NEK9: variants seen among roughly 807,000 people sequenced by gnomAD.
NEK9 encodes the protein serine/threonine-protein kinase Nek9.
A neutral mutation model predicts 123.4 loss-of-function variants in NEK9; 75 were observed. That is an observed-to-expected ratio of 0.61 (90% CI 0.50 to 0.74). The LOEUF is 0.74. Among genes scored for constraint, NEK9 ranks in the 30% least tolerant of loss-of-function variants. The probability of loss-of-function intolerance (pLI) is 0.00; values close to 1 mark genes in which losing one functional copy is unlikely to be tolerated. For missense variants in NEK9, 952 were observed against 1,214.4 expected (o/e 0.78, Z 3.21); for synonymous variants, 438 against 458.7 (o/e 0.95, Z 0.58).
chr14:75,100,164 A>G (rs1452016258), intron 16 of NEK9, among the ~76,000 whole-genome samples: 12 of 133,904 alleles, frequency 9.0e-5, no homozygotes, highest in African/African-American at 2.8e-4. Context: ...AAAAAAAAAA[A>G]GGCCAGGCAC....
Position 75,118,955 on chromosome 14 carries a change from C to T in NEK9, c.525-20G>A. The T allele has an allele frequency of 8.0e-7, 1 of 1,248,208 alleles. No individual in the cohort carries two copies. The highest frequency in any genetic ancestry group is 1.2e-6 in the Non-Finnish European group (1 of 852,670). 77.3% of individuals were successfully genotyped at this position (1,248,208 alleles called of 1,614,324 possible). On this transcript the variant is annotated intron_variant, in intron 4 of 21. Transcript: ENST00000238616. ...ATATCTCTGAAAAAAAAAGATGCTG[C>T]AAATTAAGTTCACACAGATAATTGT...
chr14:75,112,838 CA>C (rs1326583626), intron 8 of NEK9, among the ~76,000 whole-genome samples: 2 of 151,978 alleles, frequency 1.3e-5, no homozygotes, highest in South Asian at 4.2e-4. Flanking sequence ...AAACAAAAAA[CA>C]AAAAAACCAA....
chr14:75,095,423 A>G lies in NEK9; in HGVS notation c.2182T>C (p.Leu728=), dbSNP rs377300933. 675 of 1,612,710 alleles carry G rather than the reference A, an allele frequency of 4.2e-4. 13 individuals are homozygous for G. The South Asian group carries it at 7.0e-3, about 17-fold the overall frequency. Residue 728 remains leucine, a synonymous_variant, in exon 18 of 22, where the codon TTG becomes CTG. Transcript: ENST00000238616. ...TTGGAACGGATGGTCTTAGAATTCA[A>G]TACTTTCTCTGAGAAAAAATATTTG... ...WHTILIVEKV[L]NSKTIRSNSS...
Position 75,084,580 on chromosome 14 carries a change from C to T in NEK9, c.2924G>A (p.Cys975Tyr), listed in dbSNP as rs1237650977. The T allele has an allele frequency of 1.2e-6, 2 of 1,614,146 alleles. No homozygotes were observed. Among genetic ancestry groups the T allele is most frequent in the African/African-American group, 1.3e-5 (1 of 75,030 alleles). Residue 975 changes from cysteine to tyrosine, a missense_variant, in exon 22 of 22, where the codon TGT becomes TAT. This residue lies in a region of NEK9 where 698 missense variants were observed against 875.6 expected (regional missense o/e 0.80). Coordinates refer to ENST00000238616, the MANE Select transcript of NEK9 (RefSeq NM_033116.6). Reference sequence around the variant, plus strand: ...CTCAGGAGACTAGAGGCTGGGTCTACAGGAGTCTGTTCCCAGGAGGCACCA... The same window carrying T: ...CTCAGGAGACTAGAGGCTGGGTCTATAGGAGTCTGTTCCCAGGAGGCACCA... ...DSWCLLGTDSCRPSL is the reference protein window; with the variant it reads ...DSWCLLGTDSYRPSL
intron 9 of NEK9, 43 bp from the exon 10 acceptor site, chr14:75,109,920 A>G: frequency 6.5e-7 from 1 of 1,542,686 alleles, no homozygotes. Flanking sequence ...AACATTAAAA[A>G]CAATATCAAA....
intron 1 of NEK9, among the ~76,000 whole-genome samples, chr14:75,124,683 C>G (rs1208868187): frequency 6.6e-6 from 1 of 151,954 alleles, no homozygotes; most frequent in African/African-American, 2.4e-5. Flanking sequence ...TTTCACCTAC[C>G]CTTTCTGGAT....
At chr14:75,115,114 T>TGTGTGCATAC (rs1895096431) in intron 6 of NEK9, among the ~76,000 whole-genome samples, 3 of 147,296 alleles carry the variant, frequency 2.0e-5, no homozygotes, top group South Asian at 2.1e-4. Flanking sequence ...CGTGTGTGCG[T>TGTGTGCATAC]ACACACACAC....
chr14:75,118,436 G>C (rs1206888466), intron 5 of NEK9, among the ~76,000 whole-genome samples: 1 of 152,184 alleles, frequency 6.6e-6, no homozygotes, highest in African/African-American at 2.4e-5. Context: ...TGTTCTCTGA[G>C]CATCAGCCTT....
At chr14:75,125,303 T>C (rs1334850086) in intron 1 of NEK9, among the ~76,000 whole-genome samples, 1 of 152,196 alleles carries the variant, frequency 6.6e-6, no homozygotes, top group Non-Finnish European at 1.5e-5. Flanking sequence ...TTACTAACAA[T>C]GGTCAACTTA....
At chr14:75,112,537 G>T (rs1894990387) in intron 8 of NEK9, among the ~76,000 whole-genome samples, 1 of 152,128 alleles carries the variant, frequency 6.6e-6, no homozygotes, top group South Asian at 2.1e-4. Context: ...AAAAACAAAG[G>T]CTCAGGCTGG....
At chr14:75,097,008 A>T in intron 17 of NEK9, 92 bp downstream of exon 17, 2 of 1,288,182 alleles carry the variant, frequency 1.6e-6, no homozygotes, top group Non-Finnish European at 2.1e-6. Flanking sequence ...TCTTCAGGAC[A>T]TTTCTGTTTC....
intron 8 of NEK9, among the ~76,000 whole-genome samples, chr14:75,111,487 T>C (rs79327339): frequency 0.015 from 2,311 of 152,362 alleles, 22 homozygotes; most frequent in Middle Eastern, 0.068. Context: ...TGTCTTATGT[T>C]TTCCATCAAA....
In NEK9 at chr14:75,084,436, C is replaced by CA; in HGVS notation, c.*127dup. 9.2e-7 allele frequency: 1 copy of CA among 1,082,798 alleles called. No homozygotes were observed. Among genetic ancestry groups the CA allele is most frequent in the African/African-American group, 1.6e-5 (1 of 63,540 alleles). The allele number at this position is 1,082,798 out of a possible 1,614,324, so 67.1% of individuals were successfully genotyped here. ...CTCCAAATGTACAAGGAAAGTGCTTCAGAGCCTCTGCCTTGCGCTCCTTTT... is the reference window on the plus strand; with the variant it reads ...CTCCAAATGTACAAGGAAAGTGCTTCAAGAGCCTCTGCCTTGCGCTCCTTTT... On this transcript the variant is annotated 3_prime_UTR_variant, in exon 22 of 22. Transcript: ENST00000238616.
intron 6 of NEK9, among the ~76,000 whole-genome samples, chr14:75,115,126 C>CA (rs1393291388): frequency 2.0e-5 from 3 of 150,722 alleles, no homozygotes; most frequent in East Asian, 2.0e-4. Flanking sequence ...CACACACACA[C>CA]ATTTCTTAAG....
Position 75,117,281 on chromosome 14 carries a change from C to T in NEK9, c.676G>A (p.Val226Ile). Residue 226 changes from valine to isoleucine, a missense_variant, in exon 6 of 22, where the codon GTA becomes ATA. Physicochemically the swap from Val to Ile is conservative, Grantham distance 29. This residue lies in a region of NEK9 where 28 missense variants were observed against 88.3 expected (regional missense o/e 0.32). Coordinates refer to ENST00000238616, the MANE Select transcript of NEK9 (RefSeq NM_033116.6). Reference sequence around the variant, plus strand: ...ATATCAGACTTGAAATTGTACTTTACTCCTTGACAGAGCTCTGGAGACATG... The same window carrying T: ...ATATCAGACTTGAAATTGTACTTTATTCCTTGACAGAGCTCTGGAGACATG... Reference protein sequence around the residue: ...YYMSPELCQGVKYNFKSDIWA... With the variant: ...YYMSPELCQGIKYNFKSDIWA... 6.2e-7 allele frequency: 1 copy of T among 1,614,032 alleles called. No homozygotes were observed. Among genetic ancestry groups the T allele is most frequent in the Non-Finnish European group, 8.5e-7 (1 of 1,179,978 alleles).
rs1431316157 is a variant in NEK9 at position 75,124,120 on chromosome 14, T to C, written c.323A>G (p.His108Arg). 2 of 1,614,024 alleles carry C rather than the reference T, an allele frequency of 1.2e-6. No individual in the cohort carries two copies. The highest frequency in any genetic ancestry group is 2.2e-5 in the East Asian group (1 of 44,892). The change falls in exon 2 of 22, where the codon CAC (histidine) becomes CGC (arginine). Residue 108 changes from histidine to arginine, a missense_variant. Transcript: ENST00000238616. ...NEIVILALLQ[H>R]DNIIAYYNHF... ...ATTGTAGTAGGCAATAATGTTGTCG[T>C]GCTGCAGCAGTGCCAGAATAACAAT...
intron 5 of NEK9, 147 bp from the exon 6 acceptor site, chr14:75,117,473 G>A (rs930430688): frequency 5.1e-6 from 4 of 790,426 alleles, no homozygotes; most frequent in Admixed American, 3.2e-5. Context: ...TTTATGAGAC[G>A]ATGCCACTAT....
At chr14:75,107,510 G>T in intron 10 of NEK9, 23 bp from the exon 11 acceptor site, 1 of 1,552,448 alleles carries the variant, frequency 6.4e-7, no homozygotes, top group South Asian at 1.2e-5. Context: ...GAGGTCTTAT[G>T]ACTTTTTTTT....
chr14:75,124,799 G>T (rs1335544502), intron 1 of NEK9, among the ~76,000 whole-genome samples: 2 of 138,354 alleles, frequency 1.4e-5, no homozygotes, highest in African/African-American at 2.7e-5. Flanking sequence ...TTTTTTAAGA[G>T]ATAGGGTCTC....
Sources: gnomAD v4.1 joint callset for allele counts (sites outside exome capture counted in the v4.1 genomes callset) on GRCh38, gnomAD v4.1.1 for gene constraint, gnomAD v4.1.1 regional missense constraint, MANE v1.5 for transcripts, NCBI Gene and HGNC (gene_info 2026-07-23, HGNC 2026-07-21) for gene names.